PRR14L: variants seen among roughly 807,000 people sequenced by gnomAD.
PRR14L encodes the protein protein PRR14L.
PRR14L carries 80 observed loss-of-function variants against 155.0 expected under a neutral mutation model. The observed-to-expected ratio is 0.52, with a 90% CI of 0.43 to 0.62. The LOEUF is 0.62. PRR14L is among the 20% of genes least tolerant of loss of function. The pLI, the probability that PRR14L is intolerant of heterozygous loss-of-function variation, is 0.00. For missense variants in PRR14L, 2,469 were observed against 2,548.0 expected, an observed-to-expected ratio of 0.97 and a Z score of 0.67; for synonymous variants, 883 against 916.0, an observed-to-expected ratio of 0.96 and a Z score of 0.65.
rs373919505 is a variant in PRR14L, at chr22:31,749,422, G to A, written c.-52+571C>T. 8.5e-5 allele frequency among the ~76,000 whole-genome samples: 13 copies of A among 152,292 alleles called. No homozygotes were observed. In the East Asian group the frequency reaches 2.1e-3, roughly 25 times the overall value. ...GTAAAATTTCAAGGTCTTCCTCTCC[G>A]TATCTTGGGGTACAGGCGAAAAATA... On this transcript the variant is annotated intron_variant, in intron 1 of 8. Transcript: ENST00000327423.
chr22:31,703,447 TAA>T, intron 6 of PRR14L, 101 bp downstream of exon 6: 1 of 1,154,118 alleles, frequency 8.7e-7, no homozygotes, highest in Non-Finnish European at 1.2e-6. Flanking sequence ...AGGTGGTACG[TAA>T]AGATACTCAG....
chr22:31,717,283 C>T lies in PRR14L; in HGVS notation c.556G>A (p.Val186Ile). 2.6e-6 allele frequency: 4 copies of T among 1,539,622 alleles called. No homozygotes were observed. Among genetic ancestry groups the T allele is most frequent in the South Asian group, 1.2e-5 (1 of 82,476 alleles). ...EDFLRSKEGN[V>I]QITAETLLKS... ...AGCAGAGTTTCAGCTGTAATCTGTA[C>T]ATTTCCTTCTGAATAAGAGAAATAA... The change falls in exon 4 of 9, where the codon GTA (valine) becomes ATA (isoleucine). Residue 186 changes from valine (V) to isoleucine (I), a missense_variant. This residue lies in a region of PRR14L where 2,363 missense variants were observed against 2,371.6 expected (regional missense o/e 1.00). Transcript: ENST00000327423.
At chr22:31,693,478 C>T (rs948039119) in intron 7 of PRR14L, among the ~76,000 whole-genome samples, 3 of 152,286 alleles carry the variant, frequency 2.0e-5, no homozygotes, top group Non-Finnish European at 2.9e-5. Context: ...CAGCTACTGA[C>T]GGACATCTTG....
Position 31,730,077 on chromosome 22 carries a change from C to A in PRR14L, c.475-4467G>T, listed in dbSNP as rs542154966. Among the ~76,000 whole-genome samples the A allele has an allele frequency of 4.0e-5, 6 of 149,582 alleles. No individual in the cohort carries two copies. In the East Asian group the frequency reaches 9.9e-4, roughly 25 times the overall value. ...CAGAGAACTGCTTAAACCCAGGAGG[C>A]AGAGGTTACAGTGAGCTGAGATCAT... On this transcript the variant is annotated intron_variant, in intron 2 of 8. Transcript: ENST00000327423.
At chr22:31,723,929 G>A (rs2074703762) in intron 3 of PRR14L, among the ~76,000 whole-genome samples, 1 of 152,226 alleles carries the variant, frequency 6.6e-6, no homozygotes, top group Admixed American at 6.5e-5. Context: ...ACAGCAGGAG[G>A]TGAGAAGCAG....
At chr22:31,692,244 A>G (rs1001118385) in intron 7 of PRR14L, among the ~76,000 whole-genome samples, 17 of 148,208 alleles carry the variant, frequency 1.1e-4, no homozygotes, top group Non-Finnish European at 2.2e-4. Context: ...GGAACTGCCA[A>G]TTTTTTTTTT....
At chr22:31,749,717 G>A (rs746068912) in intron 1 of PRR14L, among the ~76,000 whole-genome samples, 78 of 152,214 alleles carry the variant, frequency 5.1e-4, no homozygotes, top group Non-Finnish European at 8.8e-4. Context: ...GAGATAAGTT[G>A]GGGGATCCCT....
chr22:31,697,995 T>C (rs915691165), intron 7 of PRR14L, among the ~76,000 whole-genome samples: 1 of 152,094 alleles, frequency 6.6e-6, no homozygotes, highest in African/African-American at 2.4e-5. Context: ...TATCAATTCA[T>C]ATAATGAAAT....
intron 7 of PRR14L, among the ~76,000 whole-genome samples, chr22:31,692,661 G>A (rs2074517245): frequency 1.3e-5 from 2 of 152,130 alleles, no homozygotes; most frequent in African/African-American, 2.4e-5. Flanking sequence ...TTGGGCAGGG[G>A]GAGACAGTCT....
chr22:31,725,277 A>T (rs1367797797), intron 3 of PRR14L, among the ~76,000 whole-genome samples: 1 of 152,084 alleles, frequency 6.6e-6, no homozygotes, highest in Non-Finnish European at 1.5e-5. Flanking sequence ...ATGGTGGGTC[A>T]CGCCTGTAGT....
intron 4 of PRR14L, among the ~76,000 whole-genome samples, chr22:31,708,694 A>G (rs1312728078): frequency 2.6e-5 from 4 of 151,872 alleles, no homozygotes; most frequent in Non-Finnish European, 4.4e-5. Context: ...AGGCTGGAAT[A>G]TAGTGGCACG....
chr22:31,748,450 C>A (rs76661368), intron 1 of PRR14L, among the ~76,000 whole-genome samples: 1 of 151,928 alleles, frequency 6.6e-6, no homozygotes, highest in Non-Finnish European at 1.5e-5. Context: ...AGGAGTGAAA[C>A]TGGAAAATGC....
intron 4 of PRR14L, among the ~76,000 whole-genome samples, chr22:31,711,776 C>CAAAAAAAAAAAAAAAAAAAAAAAAA (rs757790329): frequency 2.1e-5 from 1 of 48,732 alleles, no homozygotes. Flanking sequence ...AAGAGTTAAT[C>CAAAAAAAAAAAAAAAAAAAAAAAAA]AAAAAAAAAA....
chr22:31,743,710 G>A (rs1197584209), intron 1 of PRR14L, among the ~76,000 whole-genome samples: 2 of 151,610 alleles, frequency 1.3e-5, no homozygotes, highest in Non-Finnish European at 2.9e-5. Flanking sequence ...GCTGAGGCAG[G>A]AGAATCGCTT....
rs2074639909 is a variant in PRR14L at position 31,714,119 on chromosome 22, T to A, written c.3720A>T (p.Ile1240=). 9 of 1,551,324 alleles carry A rather than the reference T, an allele frequency of 5.8e-6. No individual in the cohort carries two copies. The highest frequency in any genetic ancestry group is 7.8e-6 in the Non-Finnish European group (9 of 1,146,920). The part of the protein sequence containing the change: ...VSLRSLKSIE[I]MPSQENSETN... ...TTTCTGAATTTTCTTGAGAAGGCAT[T>A]ATTTCAATGGATTTCAGGCTTCTTA... is the stretch of plus-strand genomic sequence containing the variant. The change falls in exon 4 of 9, where the codon ATA becomes ATT. Residue 1240 remains isoleucine (I), a synonymous_variant. Coordinates refer to ENST00000327423, the MANE Select transcript of PRR14L (RefSeq NM_173566.3).
intron 2 of PRR14L, among the ~76,000 whole-genome samples, chr22:31,734,602 CCTAA>C (rs1190316864): frequency 2.0e-5 from 3 of 152,194 alleles, no homozygotes; most frequent in African/African-American, 4.8e-5. Flanking sequence ...CTTCCACTGG[CCTAA>C]CTGTGCCCCA....
rs1345395450 is a variant in PRR14L, at chr22:31,712,856, G to A, written c.4983C>T (p.Asp1661=). 54 of 1,551,882 alleles carry A rather than the reference G, an allele frequency of 3.5e-5. No homozygotes were observed. The highest frequency in any genetic ancestry group is 5.9e-5 in the South Asian group (5 of 84,064). ...YKRLRYKRLL[D]GFSSSTEQLN... ...GCTGCTCTGTGCTGGATGAAAATCCGTCCAGGAGTCTTTTATATCTGAGGC... is the reference window on the plus strand; with the variant it reads ...GCTGCTCTGTGCTGGATGAAAATCCATCCAGGAGTCTTTTATATCTGAGGC... Residue 1661 remains aspartate (D), a synonymous_variant, in exon 4 of 9, where the codon GAC becomes GAT. Coordinates refer to ENST00000327423, the MANE Select transcript of PRR14L (RefSeq NM_173566.3).
At chr22:31,710,829 C>T (rs2074616828) in intron 4 of PRR14L, among the ~76,000 whole-genome samples, 1 of 152,122 alleles carries the variant, frequency 6.6e-6, no homozygotes, top group Non-Finnish European at 1.5e-5. Flanking sequence ...TTAGAAGGTA[C>T]AATGATATTG....
chr22:31,707,006 G>A (rs962176276), intron 4 of PRR14L, among the ~76,000 whole-genome samples: 3 of 151,470 alleles, frequency 2.0e-5, no homozygotes, highest in South Asian at 2.1e-4. Flanking sequence ...CTGAGATCGC[G>A]CCACTGCACT....
Sources: gnomAD v4.1 joint callset for allele counts (sites outside exome capture counted in the v4.1 genomes callset) on GRCh38, gnomAD v4.1.1 for gene constraint, gnomAD v4.1.1 regional missense constraint, MANE v1.5 for transcripts, NCBI Gene and HGNC (gene_info 2026-07-23, HGNC 2026-07-21) for gene names.